The following KLHL29 variants were observed in gnomAD, a reference collection of about 807,000 sequenced individuals.
KLHL29 encodes the protein kelch-like protein 29.
KLHL29 carries 21 observed loss-of-function variants against 80.4 expected under a neutral mutation model. The ratio of observed to expected loss-of-function variants is 0.26; its 90% confidence interval spans 0.19 to 0.38. The LOEUF (loss-of-function observed/expected upper bound fraction) is 0.38, where lower values mean the gene tolerates loss of function less well. KLHL29 is among the 10% of genes least tolerant of loss of function. KLHL29 has a pLI of 1.00. For synonymous variants in KLHL29, 511 were observed against 526.8 expected (o/e 0.97, Z 0.41); for missense variants, 867 against 1,223.9 (o/e 0.71, Z 4.35).
At chr2:23,525,676 C>G (rs1043012224) in intron 2 of KLHL29, among the ~76,000 whole-genome samples, 1 of 151,834 alleles carries the variant, frequency 6.6e-6, no homozygotes, top group African/African-American at 2.4e-5. Flanking sequence ...AGGCATGGAA[C>G]CTGCTGGGAC....
chr2:23,534,678 G>T (rs1252872663), intron 2 of KLHL29, among the ~76,000 whole-genome samples: 2 of 152,182 alleles, frequency 1.3e-5, no homozygotes, highest in Non-Finnish European at 2.9e-5. Context: ...TGGCACAGAG[G>T]CTCATAGAGT....
intron 3 of KLHL29, among the ~76,000 whole-genome samples, chr2:23,600,004 C>T (rs1178381126): frequency 1.3e-5 from 2 of 152,136 alleles, no homozygotes; most frequent in Non-Finnish European, 2.9e-5. Flanking sequence ...GCAGGAGATA[C>T]GCCACACTAA....
At chr2:23,698,278 G>A (rs1270599930) in intron 11 of KLHL29, among the ~76,000 whole-genome samples, 2 of 152,246 alleles carry the variant, frequency 1.3e-5, no homozygotes, top group South Asian at 2.1e-4. Flanking sequence ...ACCAGAGTCT[G>A]CCAACTGTCC....
At chr2:23,636,053 G>A (rs937434453) in intron 3 of KLHL29, among the ~76,000 whole-genome samples, 2 of 152,196 alleles carry the variant, frequency 1.3e-5, no homozygotes, top group Non-Finnish European at 2.9e-5. Flanking sequence ...CAGGAGCTGG[G>A]CTCAGAGCTG....
intron 7 of KLHL29, among the ~76,000 whole-genome samples, chr2:23,692,416 G>C (rs1009718755): frequency 2.0e-5 from 3 of 152,250 alleles, no homozygotes; most frequent in African/African-American, 7.2e-5. Flanking sequence ...CTTTACGCTT[G>C]ATGCTACCCC....
At chr2:23,638,004 T>G (rs1414332244) in intron 3 of KLHL29, among the ~76,000 whole-genome samples, 3 of 148,566 alleles carry the variant, frequency 2.0e-5, no homozygotes, top group Non-Finnish European at 4.4e-5. Context: ...CCCACACCTG[T>G]GCATATCCCA....
chr2:23,431,128 G>A (rs970531106), intron 1 of KLHL29, among the ~76,000 whole-genome samples: 2 of 152,194 alleles, frequency 1.3e-5, no homozygotes, highest in African/African-American at 4.8e-5. Context: ...GCATCAGGAG[G>A]AGCTGCCTCT....
At chr2:23,395,660 G>A (rs1388206854) in intron 1 of KLHL29, among the ~76,000 whole-genome samples, 2 of 151,960 alleles carry the variant, frequency 1.3e-5, no homozygotes, top group South Asian at 2.1e-4. Context: ...CAGGAGAATC[G>A]CTTGAACCAG....
At chr2:23,508,829 A>G (rs1164241351) in intron 2 of KLHL29, among the ~76,000 whole-genome samples, 1 of 152,188 alleles carries the variant, frequency 6.6e-6, no homozygotes, top group African/African-American at 2.4e-5. Context: ...CATTTAACAT[A>G]AAGCACAGCC....
chr2:23,577,084 G>A (rs1667860639), intron 3 of KLHL29, among the ~76,000 whole-genome samples: 1 of 152,194 alleles, frequency 6.6e-6, no homozygotes, highest in Admixed American at 6.5e-5. Flanking sequence ...AAGGCAGCCT[G>A]GAGCTTCACA....
chr2:23,523,355 G>A (rs1372201300), intron 2 of KLHL29, among the ~76,000 whole-genome samples: 2 of 152,190 alleles, frequency 1.3e-5, no homozygotes, highest in Admixed American at 6.5e-5. Flanking sequence ...AATACTAAAC[G>A]GTGGTTCTTG....
chr2:23,652,481 G>A (rs957435186), intron 5 of KLHL29, among the ~76,000 whole-genome samples: 1 of 152,186 alleles, frequency 6.6e-6, no homozygotes, highest in Non-Finnish European at 1.5e-5. Context: ...TTTGGAGGAT[G>A]GCAGAATTTC....
intron 2 of KLHL29, among the ~76,000 whole-genome samples, chr2:23,520,204 C>T (rs943031016): frequency 4.6e-5 from 7 of 152,138 alleles, no homozygotes; most frequent in African/African-American, 1.2e-4. Context: ...AAATAGAAAG[C>T]AGCCCAGACA....
At chr2:23,510,224 G>A (rs1665727668) in intron 2 of KLHL29, among the ~76,000 whole-genome samples, 1 of 152,154 alleles carries the variant, frequency 6.6e-6, no homozygotes, top group Non-Finnish European at 1.5e-5. Context: ...TTATGGCAGG[G>A]GATGGATTGG....
At chr2:23,585,555 G>A (rs1024221156) in intron 3 of KLHL29, among the ~76,000 whole-genome samples, 1 of 152,142 alleles carries the variant, frequency 6.6e-6, no homozygotes, top group African/African-American at 2.4e-5. Context: ...GGGTGGCTAA[G>A]TTCAAATCCA....
intron 3 of KLHL29, among the ~76,000 whole-genome samples, chr2:23,618,840 C>G (rs1464409761): frequency 6.6e-6 from 1 of 152,180 alleles, no homozygotes; most frequent in Non-Finnish European, 1.5e-5. Context: ...TACCTGTGTC[C>G]TCTAGGAGAA....
chr2:23,670,376 G>A (rs1286056631), intron 5 of KLHL29: 1 of 152,314 alleles, frequency 6.6e-6, no homozygotes, highest in African/African-American at 2.4e-5. Flanking sequence ...TCACAAGCTG[G>A]GGCACGACTG....
At chr2:23,420,981 C>CGCCAG (rs1662782117) in intron 1 of KLHL29, among the ~76,000 whole-genome samples, 1 of 152,178 alleles carries the variant, frequency 6.6e-6, no homozygotes, top group Admixed American at 6.5e-5. Flanking sequence ...CCTGGCCAGG[C>CGCCAG]GCCAGGCCAG....
At chr2:23,507,181 C>A in intron 2 of KLHL29, 1 of 376,382 alleles carries the variant, frequency 2.7e-6, no homozygotes, top group Non-Finnish European at 6.1e-6. Context: ...GCCATCATAG[C>A]CTTCCTGGTG....
Sources: allele counts gnomAD v4.1 joint callset (sites outside exome capture counted in the v4.1 genomes callset), GRCh38; gene constraint gnomAD v4.1.1; transcripts MANE v1.5; gene names NCBI Gene and HGNC (gene_info 2026-07-23, HGNC 2026-07-21).